The following CCDC102B variants were observed in gnomAD, a reference collection of about 807,000 sequenced individuals.
CCDC102B encodes coiled-coil domain containing 102B.
In CCDC102B, 75 loss-of-function variants were observed where a neutral mutation model predicts 57.4. The ratio of observed to expected loss-of-function variants is 1.31; its 90% CI spans 1.08 to 1.58. The LOEUF is 1.58. Among genes scored for constraint, CCDC102B ranks in the 40% most tolerant of loss-of-function variants. CCDC102B has a pLI of 0.00. For missense variants in CCDC102B, 636 were observed against 582.6 expected, an observed-to-expected ratio of 1.09 and a Z score of -0.94; for synonymous variants, 206 against 201.9, an observed-to-expected ratio of 1.02 and a Z score of -0.17.
chr18:69,030,240 C>A (rs2052102538), intron 7 of CCDC102B, among the ~76,000 whole-genome samples: 1 of 152,094 alleles, frequency 6.6e-6, no homozygotes, highest in South Asian at 2.1e-4. Context: ...TTAAAAATTA[C>A]TGTACTATCT....
chr18:68,715,956 G>C (rs961357638), intron 1 of CCDC102B, among the ~76,000 whole-genome samples: 1 of 152,026 alleles, frequency 6.6e-6, no homozygotes, highest in Non-Finnish European at 1.5e-5. Context: ...ATTCCAACAG[G>C]CAAAAATGTC....
intron 7 of CCDC102B, among the ~76,000 whole-genome samples, chr18:69,014,555 T>C (rs539384801): frequency 6.6e-6 from 1 of 152,212 alleles, no homozygotes; most frequent in African/African-American, 2.4e-5. Flanking sequence ...ATAGAAATTT[T>C]TCTGTCCTAG....
chr18:68,779,297 A>G (rs541576709), intron 2 of CCDC102B, among the ~76,000 whole-genome samples: 1 of 152,160 alleles, frequency 6.6e-6, no homozygotes, highest in African/African-American at 2.4e-5. Flanking sequence ...AAGTAGGCCA[A>G]CAGGAAACCT....
chr18:68,793,680 G>C (rs992935799), upstream of CCDC102B, among the ~76,000 whole-genome samples: 2 of 151,924 alleles, frequency 1.3e-5, no homozygotes, highest in African/African-American at 4.8e-5. Context: ...ATATGTCTTA[G>C]CTCTGCTACC....
At chr18:69,052,984 A>G (rs1216204544) in intron 7 of CCDC102B, among the ~76,000 whole-genome samples, 1 of 151,932 alleles carries the variant, frequency 6.6e-6, no homozygotes, top group Non-Finnish European at 1.5e-5. Flanking sequence ...CCCATTTTAT[A>G]TTAGTGACTT....
chr18:69,027,101 C>T (rs1180244285), intron 7 of CCDC102B, among the ~76,000 whole-genome samples: 3 of 152,128 alleles, frequency 2.0e-5, no homozygotes, highest in South Asian at 2.1e-4. Flanking sequence ...CAGTTTAAAG[C>T]CATTCTGGCT....
intron 6 of CCDC102B, among the ~76,000 whole-genome samples, chr18:68,958,473 T>C (rs9958946): frequency 0.011 from 1,709 of 152,304 alleles, 38 homozygotes; most frequent in African/African-American, 0.038. Context: ...AATGTTTTTT[T>C]AGATGTATCA....
intron 6 of CCDC102B, among the ~76,000 whole-genome samples, chr18:68,989,227 A>G (rs902231862): frequency 6.6e-6 from 1 of 152,184 alleles, no homozygotes; most frequent in Non-Finnish European, 1.5e-5. Flanking sequence ...ATTTTTTGTC[A>G]TTTAAAATAT....
At chr18:69,031,462 T>C (rs1184546629) in intron 7 of CCDC102B, among the ~76,000 whole-genome samples, 4 of 151,696 alleles carry the variant, frequency 2.6e-5, no homozygotes, top group East Asian at 1.9e-4. Flanking sequence ...TTTTTTTTTT[T>C]CCGTCTGCTT....
chr18:68,836,793 T>C lies in CCDC102B; in HGVS notation c.30T>C (p.Ile10=). The stretch of plus-strand genomic sequence containing the variant: ...ATTTAGATTCCATACATCGATTAAT[T>C]GAGGAAACACAGATCTTCCAGATGC... MNLDSIHRL[I]EETQIFQMQQ... Residue 10 remains isoleucine, a synonymous_variant, in exon 2 of 8, where the codon ATT becomes ATC. Coordinates refer to ENST00000360242, the MANE Select transcript of CCDC102B (RefSeq NM_024781.3). 1.2e-6 allele frequency: 2 copies of C among 1,613,636 alleles called. No individual in the cohort carries two copies. Among genetic ancestry groups the C allele is most frequent in the Non-Finnish European group, 1.7e-6 (2 of 1,179,762 alleles).
At chr18:68,900,214 C>T (rs1375790199) in intron 6 of CCDC102B, 1 of 152,150 alleles carries the variant, frequency 6.6e-6, no homozygotes, top group Non-Finnish European at 1.5e-5. Flanking sequence ...GTGGCAGTGT[C>T]GAGTGCTCTT....
intron 4 of CCDC102B, among the ~76,000 whole-genome samples, chr18:68,855,110 G>A (rs1424279986): frequency 6.6e-6 from 1 of 152,150 alleles, no homozygotes; most frequent in African/African-American, 2.4e-5. Context: ...ATAAGAAACA[G>A]TGTTTCCAAG....
intron 7 of CCDC102B, among the ~76,000 whole-genome samples, chr18:69,028,049 A>G (rs1446744104): frequency 1.3e-5 from 2 of 152,224 alleles, no homozygotes; most frequent in African/African-American, 4.8e-5. Context: ...TGTTGAATGA[A>G]TGTATGGTCT....
intron 6 of CCDC102B, among the ~76,000 whole-genome samples, chr18:68,991,107 T>A (rs553036396): frequency 8.2e-5 from 12 of 145,716 alleles, no homozygotes; most frequent in African/African-American, 3.0e-4. Flanking sequence ...TGTTGTCACC[T>A]ATATTGGCCC....
chr18:69,043,307 C>G lies in CCDC102B; in HGVS notation c.1435-10723C>G, dbSNP rs146577267. 7.8e-4 allele frequency among the ~76,000 whole-genome samples: 119 copies of G among 152,168 alleles called. No homozygotes were observed. The East Asian group carries it at 0.018, about 24-fold the overall frequency. ...GTTTTATACGGAGACATTCCATTGCCCAGGGACGGGCAGGAGACAGATGCC... is the reference window on the plus strand; with the variant it reads ...GTTTTATACGGAGACATTCCATTGCGCAGGGACGGGCAGGAGACAGATGCC... On this transcript the variant is annotated intron_variant, in intron 7 of 7. Coordinates refer to ENST00000360242, the MANE Select transcript of CCDC102B (RefSeq NM_024781.3).
Position 69,012,073 on chromosome 18 carries a change from C to T in CCDC102B, c.1434+969C>T, listed in dbSNP as rs73967760. Among the ~76,000 whole-genome samples the T allele has an allele frequency of 4.8e-3, 736 of 152,034 alleles. 6 individuals are homozygous for T. The highest frequency in any genetic ancestry group is 0.017 in the African/African-American group (695 of 41,462). On this transcript the variant is annotated intron_variant, in intron 7 of 7. Coordinates refer to ENST00000360242, the MANE Select transcript of CCDC102B (RefSeq NM_024781.3). ...GTGCTTTCTAGTGGCTCTTGGCAGG[C>T]GTTTCATCCTTGCTATGTCTCTTTT...
At chr18:68,719,933 C>T (rs2032235113) in intron 2 of CCDC102B, among the ~76,000 whole-genome samples, 1 of 152,122 alleles carries the variant, frequency 6.6e-6, no homozygotes, top group African/African-American at 2.4e-5. Context: ...AATAAAATAT[C>T]AAACCAAATC....
chr18:68,950,626 C>T (rs1464904185), intron 6 of CCDC102B, among the ~76,000 whole-genome samples: 1 of 151,964 alleles, frequency 6.6e-6, no homozygotes. Flanking sequence ...ATCTGTTTCC[C>T]CCTTGGTTCA....
chr18:69,030,174 T>A (rs1332682718), intron 7 of CCDC102B, among the ~76,000 whole-genome samples: 2 of 152,210 alleles, frequency 1.3e-5, no homozygotes, highest in African/African-American at 4.8e-5. Flanking sequence ...TATTTTTTCC[T>A]TGAAAATATG....
Sources: gnomAD v4.1 joint callset for allele counts (sites outside exome capture counted in the v4.1 genomes callset) on GRCh38, gnomAD v4.1.1 for gene constraint, MANE v1.5 for transcripts, NCBI Gene and HGNC (gene_info 2026-07-23, HGNC 2026-07-21) for gene names.